Variants in WWOX observed in about 807,000 individuals in gnomAD.
The protein encoded by WWOX is WW domain containing oxidoreductase.
Under a neutral mutation model 46.2 loss-of-function variants are expected in WWOX, and 69 were observed. The observed-to-expected ratio is 1.49, with a 90% CI of 1.23 to 1.82. The LOEUF (loss-of-function observed/expected upper bound fraction) is 1.82, where lower values mean the gene tolerates loss of function less well. Ranked by LOEUF, WWOX falls within the 40% of genes most tolerant of loss-of-function variation. WWOX has a pLI of 0.00. For missense variants in WWOX, 919 were observed against 542.6 expected (o/e 1.69, Z -6.89); for synonymous variants, 359 against 202.6 (o/e 1.77, Z -6.56).
intron 8 of WWOX, among the ~76,000 whole-genome samples, chr16:79,048,342 C>G (rs536495536): frequency 6.6e-6 from 1 of 151,982 alleles, no homozygotes; most frequent in South Asian, 2.1e-4. Flanking sequence ...ACACACATGC[C>G]GGTGCACCTG....
At chr16:78,101,929 A>C (rs1332031502) in intron 1 of WWOX, among the ~76,000 whole-genome samples, 1 of 152,152 alleles carries the variant, frequency 6.6e-6, no homozygotes, top group Non-Finnish European at 1.5e-5. Flanking sequence ...ACCAGGAAGT[A>C]GTGTGTCTGG....
intron 8 of WWOX, among the ~76,000 whole-genome samples, chr16:78,852,010 G>A (rs1381613463): frequency 2.6e-5 from 4 of 152,098 alleles, no homozygotes; most frequent in South Asian, 2.1e-4. Flanking sequence ...TGGGATCCTT[G>A]TATAATACTG....
intron 8 of WWOX, among the ~76,000 whole-genome samples, chr16:78,744,422 C>CTTTTTTTTTTTTTTT (rs976073233): frequency 3.6e-5 from 3 of 82,240 alleles, no homozygotes; most frequent in African/African-American, 1.8e-4. Context: ...GTCCACACTG[C>CTTTTTTTTTTTTTTT]TTTTTTTTTT....
Position 79,050,447 on chromosome 16 carries a change from C to A in WWOX, c.1057-161161C>A, listed in dbSNP as rs1597325375. Reference sequence around the variant, plus strand: ...GACAGCAACTCAAAACACATAAGGACTTTCAAGTCTAGACCCAGAACTGGC... The same window carrying A: ...GACAGCAACTCAAAACACATAAGGAATTTCAAGTCTAGACCCAGAACTGGC... On this transcript the variant is annotated intron_variant, in intron 8 of 8. Coordinates refer to ENST00000566780, the MANE Select transcript of WWOX (RefSeq NM_016373.4). Among the ~76,000 whole-genome samples, 3 of 152,298 alleles carry A rather than the reference C, an allele frequency of 2.0e-5. No homozygotes were observed. In the Middle Eastern group the frequency reaches 0.01, roughly 518 times the overall value.
At chr16:78,613,224 A>G (rs1187725146) in intron 8 of WWOX, among the ~76,000 whole-genome samples, 2 of 152,028 alleles carry the variant, frequency 1.3e-5, no homozygotes, top group Non-Finnish European at 2.9e-5. Context: ...CCCAGGTCCC[A>G]TTTCCTGACA....
At chr16:78,874,077 C>G (rs923143151) in intron 8 of WWOX, among the ~76,000 whole-genome samples, 1 of 150,574 alleles carries the variant, frequency 6.6e-6, no homozygotes, top group South Asian at 2.1e-4. Flanking sequence ...CTGACCAACC[C>G]TGTCTCTACT....
At chr16:79,001,661 C>T (rs770077527) in intron 8 of WWOX, among the ~76,000 whole-genome samples, 14 of 149,986 alleles carry the variant, frequency 9.3e-5, no homozygotes, top group Non-Finnish European at 1.6e-4. Flanking sequence ...AAAAAAGGAG[C>T]TGGTGGCAGG....
intron 5 of WWOX, among the ~76,000 whole-genome samples, chr16:78,292,682 A>T (rs1486187071): frequency 1.3e-5 from 2 of 152,166 alleles, no homozygotes; most frequent in African/African-American, 4.8e-5. Flanking sequence ...TGTTGGAGCA[A>T]TTCTGGCACT....
chr16:78,261,961 C>A (rs957812833), intron 5 of WWOX, among the ~76,000 whole-genome samples: 6 of 150,722 alleles, frequency 4.0e-5, no homozygotes, highest in Admixed American at 4.0e-4. Flanking sequence ...CAGGCCAAGG[C>A]CTCATTATAT....
chr16:78,973,668 A>T (rs1900608781), intron 8 of WWOX, among the ~76,000 whole-genome samples: 1 of 152,154 alleles, frequency 6.6e-6, no homozygotes, highest in Non-Finnish European at 1.5e-5. Context: ...CTGGTTTTTC[A>T]AAGTGCTCTT....
Position 78,646,981 on chromosome 16 carries a change from C to G in WWOX, c.1056+214229C>G, listed in dbSNP as rs563311299. Among the ~76,000 whole-genome samples, 437 of 152,282 alleles carry G rather than the reference C, an allele frequency of 2.9e-3. 2 individuals carry two copies. Among genetic ancestry groups the G allele is most frequent in the African/African-American group, 9.9e-3 (413 of 41,566 alleles). On this transcript the variant is annotated intron_variant, in intron 8 of 8. Transcript: ENST00000566780. ...GACAACTCTAGGCACGTAACTGGCT[C>G]AGACTCTGCTGGGCCCAGATATACA...
chr16:78,548,955 C>T (rs1001276770), intron 8 of WWOX, among the ~76,000 whole-genome samples: 1 of 152,136 alleles, frequency 6.6e-6, no homozygotes, highest in Non-Finnish European at 1.5e-5. Context: ...AAATATAGCC[C>T]CAAACTGGCA....
At chr16:78,634,655 A>C (rs1184038023) in intron 8 of WWOX, among the ~76,000 whole-genome samples, 1 of 151,540 alleles carries the variant, frequency 6.6e-6, no homozygotes, top group African/African-American at 2.4e-5. Flanking sequence ...GCAGTGAGCC[A>C]AGATTGCGCC....
intron 8 of WWOX, chr16:79,203,068 AATT>A (rs2051395105): frequency 6.6e-6 from 1 of 152,226 alleles, no homozygotes. Context: ...TTACCCGGGC[AATT>A]AAAGCAACAG....
At chr16:79,177,907 A>C (rs8049330) in intron 8 of WWOX, among the ~76,000 whole-genome samples, 81,823 of 151,960 alleles carry the variant, frequency 0.54, 22,776 homozygotes, top group East Asian at 0.91. Context: ...TAATTCTTAA[A>C]GTTCTGGAGC....
chr16:78,251,956 G>T (rs1449546240), intron 5 of WWOX, among the ~76,000 whole-genome samples: 2 of 152,154 alleles, frequency 1.3e-5, no homozygotes, highest in Non-Finnish European at 2.9e-5. Context: ...TGGAGTATTT[G>T]ATTATTTTTT....
chr16:78,950,978 C>T lies in WWOX; in HGVS notation c.1057-260630C>T, dbSNP rs186451326. Among the ~76,000 whole-genome samples, 608 of 152,300 alleles carry T rather than the reference C, an allele frequency of 4.0e-3. 1 individual carries two copies. The highest frequency in any genetic ancestry group is 0.014 in the Middle Eastern group (4 of 294). On this transcript the variant is annotated intron_variant, in intron 8 of 8. Coordinates refer to ENST00000566780, the MANE Select transcript of WWOX (RefSeq NM_016373.4). The stretch of plus-strand genomic sequence containing the variant: ...CCGGTTCTTTCCAGCCCCGCTCAAC[C>T]GCCTCTCTTAATTCACCACCCTGTT...
At chr16:78,634,253 T>C (rs2046510499) in intron 8 of WWOX, among the ~76,000 whole-genome samples, 1 of 152,174 alleles carries the variant, frequency 6.6e-6, no homozygotes, top group African/African-American at 2.4e-5. Flanking sequence ...GTTAGTTAAG[T>C]GTATGACAAG....
At chr16:78,508,060 T>G (rs1187114437) in intron 8 of WWOX, among the ~76,000 whole-genome samples, 1 of 151,594 alleles carries the variant, frequency 6.6e-6, no homozygotes, top group Non-Finnish European at 1.5e-5. Flanking sequence ...CAGGCTGGAG[T>G]GTAGTGGCAT....
Sources: allele counts gnomAD v4.1 joint callset (sites outside exome capture counted in the v4.1 genomes callset), GRCh38; gene constraint gnomAD v4.1.1; transcripts MANE v1.5; gene names NCBI Gene and HGNC (gene_info 2026-07-23, HGNC 2026-07-21).